Variants in NRG1 observed in about 807,000 individuals in gnomAD.
The protein encoded by NRG1 is neuregulin 1.
In NRG1, 18 loss-of-function variants were observed where a neutral mutation model predicts 63.8. That is an observed-to-expected ratio of 0.28 (90% CI 0.19 to 0.42). The LOEUF is 0.42. NRG1 is among the 10% of genes least tolerant of loss of function. The pLI is 1.00. For missense variants in NRG1, 762 were observed against 814.7 expected (o/e 0.94, Z 0.79); for synonymous variants, 302 against 301.3 (o/e 1.00, Z -0.02).
intron 1 of NRG1, among the ~76,000 whole-genome samples, chr8:32,217,744 C>T (rs531325294): frequency 1.3e-5 from 2 of 152,302 alleles, no homozygotes; most frequent in East Asian, 1.9e-4. Flanking sequence ...ACTCAACTTA[C>T]AATTCTTGAA....
At chr8:32,053,912 C>A (rs1822408710) in intron 1 of NRG1, among the ~76,000 whole-genome samples, 2 of 152,170 alleles carry the variant, frequency 1.3e-5, no homozygotes, top group African/African-American at 4.8e-5. Context: ...TTCTCATTAA[C>A]TTCCATTTTT....
chr8:32,661,265 A>T (rs1208799861), intron 5 of NRG1, among the ~76,000 whole-genome samples: 3 of 152,236 alleles, frequency 2.0e-5, no homozygotes. Flanking sequence ...GAGAAAAGTA[A>T]CTTATCTTAG....
At chr8:32,630,246 A>G (rs940540714) in intron 5 of NRG1, among the ~76,000 whole-genome samples, 3 of 152,204 alleles carry the variant, frequency 2.0e-5, no homozygotes, top group Admixed American at 1.3e-4. Flanking sequence ...TTCCCTAATG[A>G]GATGACCAAA....
chr8:31,813,491 A>ATTTTCTTTTCTTTTCTTTTC lies in NRG1; in HGVS notation c.37+174070_37+174089dup, dbSNP rs1193889989. ...TTTGATCATTGACTTTGCTACAGGA[A>ATTTTCTTTTCTTTTCTTTTC]TTTTCTTTTCTTTTCTTTTCTTTTC... On this transcript the variant is annotated intron_variant, in intron 1 of 10. Transcript: ENST00000519301. Among the ~76,000 whole-genome samples the ATTTTCTTTTCTTTTCTTTTC allele has an allele frequency of 5.7e-4, 65 of 114,934 alleles. 1 individual carries two copies. The highest frequency in any genetic ancestry group is 8.0e-4 in the Non-Finnish European group (44 of 54,930). 75.4% of individuals were successfully genotyped at this position (114,934 alleles called of 152,430 possible).
At chr8:32,395,885 C>A (rs1466015972) in intron 1 of NRG1, among the ~76,000 whole-genome samples, 1 of 151,980 alleles carries the variant, frequency 6.6e-6, no homozygotes, top group African/African-American at 2.4e-5. Context: ...TGTCTATGAT[C>A]CATTTTACAT....
At chr8:32,764,271 A>T in exon 12 of NRG1, 1 of 1,614,142 alleles carries the variant, frequency 6.2e-7, no homozygotes, top group Non-Finnish European at 8.5e-7. Flanking sequence ...CCTGGCAGCC[A>T]GTCTTGAGGC....
intron 2 of NRG1, among the ~76,000 whole-genome samples, chr8:32,597,799 T>G (rs578255711): frequency 6.6e-6 from 1 of 152,218 alleles, no homozygotes; most frequent in African/African-American, 2.4e-5. Flanking sequence ...ATGGTTCAAG[T>G]TAGATTTGAA....
At chr8:31,799,750 A>G (rs1324960271) in intron 1 of NRG1, among the ~76,000 whole-genome samples, 4 of 152,094 alleles carry the variant, frequency 2.6e-5, no homozygotes, top group Non-Finnish European at 5.9e-5. Flanking sequence ...ACGCCTGTAT[A>G]TATACACGTA....
At chr8:31,857,378 G>C (rs1329266849) in intron 1 of NRG1, among the ~76,000 whole-genome samples, 1 of 152,224 alleles carries the variant, frequency 6.6e-6, no homozygotes, top group Non-Finnish European at 1.5e-5. Flanking sequence ...CGATTTTCCA[G>C]GTGCCGTCTG....
At chr8:32,533,290 T>C (rs1384448114) in intron 1 of NRG1, among the ~76,000 whole-genome samples, 1 of 152,052 alleles carries the variant, frequency 6.6e-6, no homozygotes, top group Non-Finnish European at 1.5e-5. Context: ...CTTAAACTGC[T>C]CTGTTTGGAA....
chr8:32,121,398 CGT>C (rs140452698), intron 1 of NRG1, among the ~76,000 whole-genome samples: 83,156 of 148,594 alleles, frequency 0.56, 24,445 homozygotes, highest in Admixed American at 0.66. Flanking sequence ...CCTGGGAAAT[CGT>C]GTGTGTGTGT....
chr8:32,666,651 A>G (rs1241387985), intron 5 of NRG1, among the ~76,000 whole-genome samples: 2 of 152,096 alleles, frequency 1.3e-5, no homozygotes, highest in African/African-American at 4.8e-5. Context: ...CATACCATGA[A>G]ATTTGCTGTC....
At chr8:32,493,019 G>T (rs903481591) in intron 1 of NRG1, among the ~76,000 whole-genome samples, 1 of 152,118 alleles carries the variant, frequency 6.6e-6, no homozygotes, top group Admixed American at 6.6e-5. Context: ...CCAAGACAGA[G>T]CTTAAAGGCC....
At chr8:32,380,558 C>T (rs1563385368) in intron 1 of NRG1, among the ~76,000 whole-genome samples, 1 of 152,084 alleles carries the variant, frequency 6.6e-6, no homozygotes, top group Non-Finnish European at 1.5e-5. Flanking sequence ...ACTAATAAAA[C>T]AGAGTCCTAG....
intron 1 of NRG1, among the ~76,000 whole-genome samples, chr8:31,673,138 G>A (rs1301776707): frequency 4.0e-5 from 6 of 151,832 alleles, no homozygotes; most frequent in East Asian, 1.9e-4. Flanking sequence ...GTATATATAA[G>A]AATCAGCTAG....
intron 1 of NRG1, among the ~76,000 whole-genome samples, chr8:32,076,185 T>G (rs979797103): frequency 6.6e-6 from 1 of 152,176 alleles, no homozygotes; most frequent in Admixed American, 6.5e-5. Context: ...TGTGGTTTGC[T>G]TCTCCTGACC....
intron 1 of NRG1, among the ~76,000 whole-genome samples, chr8:32,110,301 T>A (rs200468132): frequency 4.5e-5 from 5 of 112,204 alleles, no homozygotes; most frequent in African/African-American, 2.7e-4. Flanking sequence ...TAGAAAAAAA[T>A]GTCAGAGAAG....
intron 1 of NRG1, among the ~76,000 whole-genome samples, chr8:32,435,560 C>G (rs1355442445): frequency 1.3e-5 from 2 of 152,162 alleles, no homozygotes; most frequent in Non-Finnish European, 2.9e-5. Flanking sequence ...CACTAGTGAG[C>G]TATTGTATTT....
chr8:32,169,021 C>T (rs1026384944), intron 1 of NRG1, among the ~76,000 whole-genome samples: 3 of 152,172 alleles, frequency 2.0e-5, no homozygotes, highest in African/African-American at 7.2e-5. Context: ...TCCCTGTTGC[C>T]ACATAATTTA....
Sources: gnomAD v4.1 joint callset for allele counts (sites outside exome capture counted in the v4.1 genomes callset) on GRCh38, gnomAD v4.1.1 for gene constraint, MANE v1.5 for transcripts, NCBI Gene and HGNC (gene_info 2026-07-23, HGNC 2026-07-21) for gene names.